Variants in ACO1 observed in about 807,000 individuals in gnomAD.
The protein encoded by ACO1 is cytoplasmic aconitate hydratase.
ACO1 carries 78 observed loss-of-function variants against 105.1 expected under a neutral mutation model. The observed-to-expected ratio is 0.74, with a 90% CI of 0.62 to 0.90. The LOEUF is 0.90. Ranked by LOEUF, ACO1 falls within the 40% of genes least tolerant of loss-of-function variation. ACO1 has a pLI of 0.00. For missense variants in ACO1, 965 were observed against 1,111.1 expected, an observed-to-expected ratio of 0.87 and a Z score of 1.87; for synonymous variants, 364 against 397.4, an observed-to-expected ratio of 0.92 and a Z score of 1.00.
chr9:32,429,927 C>A (rs1822188836), intron 13 of ACO1, among the ~76,000 whole-genome samples: 1 of 152,114 alleles, frequency 6.6e-6, no homozygotes, highest in African/African-American at 2.4e-5. Context: ...TTTGCACCAA[C>A]CCAAATAATT....
intron 19 of ACO1, among the ~76,000 whole-genome samples, chr9:32,448,461 C>T (rs1357489743): frequency 6.6e-6 from 1 of 152,240 alleles, no homozygotes; most frequent in Non-Finnish European, 1.5e-5. Flanking sequence ...TTTCTGGGCT[C>T]CTTGTGGGTG....
In ACO1 at chr9:32,454,529, C is replaced by A. The variant is rs578205362; in HGVS notation, c.*4418C>A. On this transcript the variant is annotated 3_prime_UTR_variant, in exon 21 of 21. Coordinates refer to ENST00000309951, the MANE Select transcript of ACO1 (RefSeq NM_002197.3). ...CTTCAAAACATACACGGCTGGACAC[C>A]CTGCCAGGATGCTCTAATGGGGCTG... 6.6e-6 allele frequency: 1 copy of A among 151,960 alleles called. No homozygotes were observed. The highest frequency in any genetic ancestry group is 2.1e-4 in the South Asian group (1 of 4,806). 9.4% of individuals were successfully genotyped at this position (151,960 alleles called of 1,614,324 possible). A position where few individuals can be genotyped will look rare whatever the true frequency, so the allele number is the denominator to read the frequency against.
chr9:32,428,417 C>G (rs1263318299), intron 12 of ACO1, among the ~76,000 whole-genome samples: 7 of 152,148 alleles, frequency 4.6e-5, no homozygotes, highest in African/African-American at 1.7e-4. Context: ...ATCCATGGAG[C>G]TGTCATCTCC....
rs2118595748 is a variant in ACO1, at chr9:32,450,731, T to C, written c.*620T>C. The C allele has an allele frequency of 6.6e-6, 1 of 151,860 alleles. No homozygotes were observed. The highest frequency in any genetic ancestry group is 1.9e-4 in the East Asian group (1 of 5,162). 9.4% of individuals were successfully genotyped at this position (151,860 alleles called of 1,614,324 possible). ...ATCCACATAAAAAGAAATGTGAAGT[T>C]TTCTTTTACTATCTTTTCATTTATC... On this transcript the variant is annotated 3_prime_UTR_variant, in exon 21 of 21. Coordinates refer to ENST00000309951, the MANE Select transcript of ACO1 (RefSeq NM_002197.3).
intron 4 of ACO1, among the ~76,000 whole-genome samples, chr9:32,409,161 C>T (rs1390473107): frequency 6.6e-6 from 1 of 152,210 alleles, no homozygotes; most frequent in Non-Finnish European, 1.5e-5. Context: ...ACCTGTCCTT[C>T]AAGGCCAGCT....
chr9:32,397,216 T>A (rs1821391543), intron 1 of ACO1, among the ~76,000 whole-genome samples: 1 of 152,204 alleles, frequency 6.6e-6, no homozygotes, highest in Non-Finnish European at 1.5e-5. Flanking sequence ...GGTTATATTG[T>A]TAAATCCATT....
At chr9:32,419,926 G>A (rs1310763283) in intron 7 of ACO1, among the ~76,000 whole-genome samples, 1 of 152,206 alleles carries the variant, frequency 6.6e-6, no homozygotes, top group Admixed American at 6.5e-5. Context: ...TTTGGAGGCT[G>A]GGGTCCTTTG....
chr9:32,409,253 C>T (rs1426712900), intron 4 of ACO1, among the ~76,000 whole-genome samples: 1 of 152,136 alleles, frequency 6.6e-6, no homozygotes, highest in Non-Finnish European at 1.5e-5. Flanking sequence ...ATTTAGTGTC[C>T]TGAGTGGGCC....
Position 32,427,149 on chromosome 9 carries a change from A to C in ACO1, c.1349-152A>C, listed in dbSNP as rs937634367. Reference sequence around the variant, plus strand: ...GGGAGCCTTTAGATTTCTGTTTGGCAGCAGAAACAGCAGATAGCGCCAACA... The same window carrying C: ...GGGAGCCTTTAGATTTCTGTTTGGCCGCAGAAACAGCAGATAGCGCCAACA... On this transcript the variant is annotated intron_variant, in intron 11 of 20. Transcript: ENST00000309951. 1.3e-5 allele frequency: 12 copies of C among 941,692 alleles called. No homozygotes were observed. The African/African-American group carries it at 2.0e-4, about 16-fold the overall frequency. The allele number at this position is 941,692 out of a possible 1,614,324, so 58.3% of individuals were successfully genotyped here. A position where few individuals can be genotyped will look rare whatever the true frequency, so the allele number is the denominator to read the frequency against.
At chr9:32,406,329 C>T (rs1821609415) in intron 2 of ACO1, among the ~76,000 whole-genome samples, 1 of 152,036 alleles carries the variant, frequency 6.6e-6, no homozygotes, top group Admixed American at 6.6e-5. Flanking sequence ...TACTTGTCAA[C>T]ATTTAACATA....
rs1822021240 is a variant in ACO1, at chr9:32,423,463, A to G, written c.1071+44A>G. On this transcript the variant is annotated intron_variant, in intron 9 of 20. Coordinates refer to ENST00000309951, the MANE Select transcript of ACO1 (RefSeq NM_002197.3). Reference sequence around the variant, plus strand: ...CTGTGCATGTATTTCCTCTTCCTCAAGGCTGCGATTTTAGTGGTGGTTTTT... The same window carrying G: ...CTGTGCATGTATTTCCTCTTCCTCAGGGCTGCGATTTTAGTGGTGGTTTTT... The G allele has an allele frequency of 2.2e-6, 3 of 1,345,350 alleles. No homozygotes were observed. In the African/African-American group the frequency reaches 4.5e-5, roughly 20 times the overall value. 83.3% of individuals were successfully genotyped at this position (1,345,350 alleles called of 1,614,324 possible).
rs1822686720 is a variant in ACO1 at position 32,448,913 on chromosome 9, G to T, written c.2388G>T (p.Leu796=). 1 of 1,614,086 alleles carries T rather than the reference G, an allele frequency of 6.2e-7. No individual in the cohort carries two copies. The highest frequency in any genetic ancestry group is 8.5e-7 in the Non-Finnish European group (1 of 1,180,050). ...TTCATCAGGGAATCAAAGCCGTCCT[G>T]GCCGAGAGCTACGAGCGCATTCACC... ...GPFLLGIKAV[L]AESYERIHRS... Residue 796 remains leucine, a synonymous_variant, in exon 20 of 21, where the codon CTG becomes CTT. Transcript: ENST00000309951.
chr9:32,437,251 T>C (rs10813816), intron 18 of ACO1, among the ~76,000 whole-genome samples: 53,050 of 152,020 alleles, frequency 0.35, 9,320 homozygotes, highest in East Asian at 0.51. Flanking sequence ...GTGCTTTAAA[T>C]TGAGAAGTGA....
chr9:32,443,728 C>CTACACTAATATTTAG (rs1822532597), intron 19 of ACO1, among the ~76,000 whole-genome samples: 1 of 152,114 alleles, frequency 6.6e-6, no homozygotes, highest in South Asian at 2.1e-4. Context: ...ATTTTTCACT[C>CTACACTAATATTTAG]TGACATTAAC....
intron 9 of ACO1, 48 bp downstream of exon 9, chr9:32,423,467 TG>T: frequency 7.5e-7 from 1 of 1,326,688 alleles, no homozygotes; most frequent in Non-Finnish European, 1.1e-6. Context: ...TCCTCAAGGC[TG>T]CGATTTTAGT....
At position 32,407,110 on chromosome 9, in the gene ACO1, C is replaced by T. The variant is rs1406758668; in HGVS notation, c.98-151C>T. ...AATATCTCTTAAACCCATTAAATAT[C>T]CATGTATTTTAAACTGTTGGTCACT... On this transcript the variant is annotated intron_variant, in intron 2 of 20. Coordinates refer to ENST00000309951, the MANE Select transcript of ACO1 (RefSeq NM_002197.3). The T allele has an allele frequency of 1.0e-5, 7 of 686,704 alleles. No homozygotes were observed. In the East Asian group the frequency reaches 1.1e-4, roughly 10 times the overall value. 42.5% of individuals were successfully genotyped at this position (686,704 alleles called of 1,614,324 possible).
At chr9:32,447,757 G>C (rs1822652403) in intron 19 of ACO1, among the ~76,000 whole-genome samples, 1 of 152,164 alleles carries the variant, frequency 6.6e-6, no homozygotes, top group Admixed American at 6.5e-5. Context: ...TCTCTGAGTG[G>C]ATGTCCTTTT....
chr9:32,448,868 T>C (rs1404334902), intron 19 of ACO1, 28 bp from the exon 20 acceptor site: 1 of 1,613,578 alleles, frequency 6.2e-7, no homozygotes, highest in Non-Finnish European at 8.5e-7. Flanking sequence ...ATTGGAAGTA[T>C]GTCTAAACTA....
In ACO1 at chr9:32,425,912, A is replaced by ACCCTTGCTCATGAG. The variant is rs1563940527; in HGVS notation, c.1263_1264insCCCTTGCTCATGAG (p.Phe422ProfsTer29). 9 of 1,613,672 alleles carry ACCCTTGCTCATGAG rather than the reference A, an allele frequency of 5.6e-6. No homozygotes were observed. In the African/African-American group the frequency reaches 1.2e-4, roughly 22 times the overall value. On this transcript the variant is annotated frameshift_variant, in exon 11 of 21. Transcript: ENST00000309951. LOFTEE classifies it high-confidence loss of function. ...AGACCTTTATCTATGATAACACTGA[A>ACCCTTGCTCATGAG]TTCACCCTTGCTCATGGTTCTGTGG...
Sources: allele counts gnomAD v4.1 joint callset (sites outside exome capture counted in the v4.1 genomes callset), GRCh38; gene constraint gnomAD v4.1.1; transcripts MANE v1.5; gene names NCBI Gene and HGNC (gene_info 2026-07-23, HGNC 2026-07-21).